The following ARHGAP23 variants were observed in gnomAD, a reference collection of about 807,000 sequenced individuals.
ARHGAP23 encodes the protein Rho GTPase activating protein 23, also known as rho GTPase-activating protein 23.
In ARHGAP23, 34 loss-of-function variants were observed where a neutral mutation model predicts 136.3. That is an observed-to-expected ratio of 0.25 (90% CI 0.19 to 0.33). The LOEUF (loss-of-function observed/expected upper bound fraction) is 0.33. Ranked by LOEUF, ARHGAP23 falls within the 10% of genes least tolerant of loss-of-function variation. The probability of loss-of-function intolerance (pLI) is 1.00; values close to 1 mark genes in which losing one functional copy is unlikely to be tolerated. For missense variants in ARHGAP23, 1,808 were observed against 2,139.0 expected (o/e 0.85, Z 3.05); for synonymous variants, 832 against 920.5 (o/e 0.90, Z 1.74).
At chr17:38,498,574 G>A in intron 22 of ARHGAP23, 64 bp downstream of exon 22, 1 of 1,348,372 alleles carries the variant, frequency 7.4e-7, no homozygotes, top group Non-Finnish European at 1.0e-6. Context: ...GAGGGTCCCA[G>A]GTGCCTGGCC....
At chr17:38,471,624 C>A (rs566132206) in intron 10 of ARHGAP23, among the ~76,000 whole-genome samples, 2 of 152,190 alleles carry the variant, frequency 1.3e-5, no homozygotes, top group Admixed American at 1.3e-4. Flanking sequence ...TGTGGTGAGG[C>A]GTGTGGTCTG....
At chr17:38,506,985 A>T (rs889087029) in intron 23 of ARHGAP23, among the ~76,000 whole-genome samples, 4 of 152,098 alleles carry the variant, frequency 2.6e-5, no homozygotes, top group African/African-American at 4.8e-5. Flanking sequence ...AAAAGAAAAA[A>T]AGGCTGTGGG....
At chr17:38,422,358 C>G (rs1006471629) in intron 1 of ARHGAP23, among the ~76,000 whole-genome samples, 5 of 152,232 alleles carry the variant, frequency 3.3e-5, no homozygotes, top group African/African-American at 1.2e-4. Context: ...TTGGTGTTTG[C>G]AAGCCCCTGC....
chr17:38,501,530 T>C (rs2040520196), intron 23 of ARHGAP23, among the ~76,000 whole-genome samples: 1 of 147,892 alleles, frequency 6.8e-6, no homozygotes, highest in Non-Finnish European at 1.5e-5. Context: ...CTTGATCTCC[T>C]GACCGCGTGA....
intron 23 of ARHGAP23, 49 bp from the exon 24 acceptor site, chr17:38,509,894 AG>A (rs1451340393): frequency 4.1e-6 from 5 of 1,221,010 alleles, no homozygotes; most frequent in South Asian, 4.2e-5. Context: ...CGGGGTCGGC[AG>A]GGGGCCGAGT....
At chr17:38,474,760 G>GA (rs1193820033) in intron 11 of ARHGAP23, among the ~76,000 whole-genome samples, 2 of 152,096 alleles carry the variant, frequency 1.3e-5, no homozygotes, top group Non-Finnish European at 2.9e-5. Flanking sequence ...AGAGAAGTGG[G>GA]GGGGCCGGGG....
chr17:38,421,020 GT>G (rs1376018083), intron 1 of ARHGAP23, among the ~76,000 whole-genome samples: 1 of 152,070 alleles, frequency 6.6e-6, no homozygotes, highest in Non-Finnish European at 1.5e-5. Flanking sequence ...AGCCTGAGTT[GT>G]TCCTCCAAGT....
intron 20 of ARHGAP23, among the ~76,000 whole-genome samples, chr17:38,494,809 G>A (rs2040354999): frequency 6.6e-6 from 1 of 152,164 alleles, no homozygotes; most frequent in African/African-American, 2.4e-5. Flanking sequence ...GGCATCCCAG[G>A]CGGAAAGAAC....
Position 38,482,493 on chromosome 17 carries a change from C to A in ARHGAP23, c.2752-30C>A. The A allele has an allele frequency of 2.0e-6, 3 of 1,517,938 alleles. No homozygotes were observed. In the South Asian group the frequency reaches 3.7e-5, roughly 19 times the overall value. 94.0% of individuals were successfully genotyped at this position (1,517,938 alleles called of 1,614,324 possible). A position where few individuals can be genotyped will look rare whatever the true frequency, so the allele number is the denominator to read the frequency against. ...CTCCCCAGCTCCTCTGGCCCCTGTC[C>A]CCCCTAACACCCCTCCCATGTGTCC... On this transcript the variant is annotated intron_variant, in intron 15 of 23. Coordinates refer to ENST00000622683, the MANE Select transcript of ARHGAP23 (RefSeq NM_001199417.2).
intron 3 of ARHGAP23, among the ~76,000 whole-genome samples, chr17:38,462,015 C>T (rs777919767): frequency 6.6e-6 from 1 of 152,050 alleles, no homozygotes; most frequent in Admixed American, 6.5e-5. Context: ...TGCAGTGGTG[C>T]TATCCGGGCT....
intron 20 of ARHGAP23, among the ~76,000 whole-genome samples, chr17:38,494,938 T>C (rs1348700156): frequency 5.3e-5 from 8 of 152,140 alleles, no homozygotes; most frequent in Non-Finnish European, 1.2e-4. Context: ...CCTTCCAACC[T>C]GCATTAACGG....
intron 1 of ARHGAP23, among the ~76,000 whole-genome samples, chr17:38,446,051 C>T (rs1205956124): frequency 2.0e-5 from 3 of 149,602 alleles, no homozygotes; most frequent in Non-Finnish European, 4.4e-5. Flanking sequence ...CAAGGTCTGG[C>T]TCCCCTAGGC....
In ARHGAP23 at chr17:38,510,703, T is replaced by C. The variant is rs1344337594; in HGVS notation, c.4207T>C (p.Trp1403Arg). 14 of 1,433,308 alleles carry C rather than the reference T, an allele frequency of 9.8e-6. No individual in the cohort carries two copies. The highest frequency in any genetic ancestry group is 1.3e-5 in the Non-Finnish European group (14 of 1,101,032). The allele number at this position is 1,433,308 out of a possible 1,614,324, so 88.8% of individuals were successfully genotyped here. A position where few individuals can be genotyped will look rare whatever the true frequency, so the allele number is the denominator to read the frequency against. The change falls in exon 24 of 24, where the codon TGG (tryptophan) becomes CGG (arginine). Residue 1403 changes from tryptophan (W) to arginine (R), a missense_variant. By Grantham distance (101) the Trp-to-Arg change is moderately radical (BLOSUM62 -3). Transcript: ENST00000622683. The surrounding 1 kb of genome is among the most constrained non-coding windows in gnomAD (Gnocchi z 4.6). ...SPETRRRRSS[W>R]RRHTVVVQSP... is the part of the protein sequence containing the mutation. ...CGAGACCCGGCGGCGCCGGAGCAGC[T>C]GGCGCCGCCACACCGTGGTGGTGCA... is the stretch of plus-strand genomic sequence containing the variant.
At chr17:38,439,777 CTTT>C (rs200647606) in intron 1 of ARHGAP23, among the ~76,000 whole-genome samples, 2 of 145,494 alleles carry the variant, frequency 1.4e-5, no homozygotes, top group African/African-American at 2.5e-5. Flanking sequence ...TGCTTAGGAA[CTTT>C]TTTTTTTTTT....
At chr17:38,428,453 G>T, upstream of ARHGAP23, 3 of 1,402,102 alleles carry the variant, frequency 2.1e-6, no homozygotes, top group Non-Finnish European at 1.9e-6. Flanking sequence ...GCCCCCAGCC[G>T]TGCCCCGGCC....
chr17:38,476,265 G>A (rs1193233136), intron 11 of ARHGAP23, among the ~76,000 whole-genome samples: 4 of 152,196 alleles, frequency 2.6e-5, no homozygotes, highest in Admixed American at 1.3e-4. Flanking sequence ...CATCCTCTAA[G>A]CAAGAGGCGT....
Position 38,477,054 on chromosome 17 carries a change from G to A in ARHGAP23, c.2119-525G>A, listed in dbSNP as rs2039909953. Reference sequence around the variant, plus strand: ...CCGCTGAGGGGTTAAGGCAAGTTGGGGAGAAGCAGCCACTGGCTTTGGCCA... The same window carrying A: ...CCGCTGAGGGGTTAAGGCAAGTTGGAGAGAAGCAGCCACTGGCTTTGGCCA... On this transcript the variant is annotated intron_variant, in intron 11 of 23. Coordinates refer to ENST00000622683, the MANE Select transcript of ARHGAP23 (RefSeq NM_001199417.2). This position sits in a 1 kb window ranked among gnomAD's most constrained non-coding sequence, Gnocchi z 6.6. 6.6e-6 allele frequency among the ~76,000 whole-genome samples: 1 copy of A among 152,154 alleles called. No homozygotes were observed. Among genetic ancestry groups the A allele is most frequent in the South Asian group, 2.1e-4 (1 of 4,824 alleles).
At chr17:38,490,962 A>G (rs528412178) in intron 19 of ARHGAP23, among the ~76,000 whole-genome samples, 51 of 152,360 alleles carry the variant, frequency 3.3e-4, no homozygotes, top group African/African-American at 1.1e-3. Flanking sequence ...TCTGCCGCTC[A>G]GGCTGCAGTG....
Position 38,482,095 on chromosome 17 carries a change from G to C in ARHGAP23, c.2703G>C (p.Arg901Ser). The change falls in exon 15 of 24, where the codon AGG (arginine) becomes AGC (serine). Residue 901 changes from arginine to serine, a missense_variant. Transcript: ENST00000622683. ...IIKKNKKAAP[R>S]AFGVRLEECQ... ...AGAAAAATAAGAAGGCCGCTCCGAG[G>C]GCGTTTGGGGTCAGGCTGGAGGAGT... is the stretch of plus-strand genomic sequence containing the variant. 6.5e-7 allele frequency: 1 copy of C among 1,550,194 alleles called. No individual in the cohort carries two copies. The highest frequency in any genetic ancestry group is 1.2e-5 in the South Asian group (1 of 83,884).
Sources: gnomAD v4.1 joint callset for allele counts (sites outside exome capture counted in the v4.1 genomes callset) on GRCh38, gnomAD v4.1.1 for gene constraint, Gnocchi (gnomAD v3.1) non-coding constraint, MANE v1.5 for transcripts, NCBI Gene and HGNC (gene_info 2026-07-23, HGNC 2026-07-21) for gene names.